Variants in PRMT7 observed in about 807,000 individuals in gnomAD.
PRMT7 encodes the protein protein arginine N-methyltransferase 7.
In PRMT7, 75 loss-of-function variants were observed where a neutral mutation model predicts 85.4. That is an observed-to-expected ratio of 0.88 (90% CI 0.73 to 1.06). The LOEUF (loss-of-function observed/expected upper bound fraction) is 1.06. PRMT7 is among the 50% of genes least tolerant of loss of function. PRMT7 has a pLI of 0.00. For synonymous variants in PRMT7, 397 were observed against 359.5 expected (o/e 1.10, Z -1.18); for missense variants, 868 against 915.2 (o/e 0.95, Z 0.67).
chr16:68,342,214 A>G (rs991261886), intron 9 of PRMT7, among the ~76,000 whole-genome samples: 2 of 152,254 alleles, frequency 1.3e-5, no homozygotes, highest in East Asian at 3.9e-4. Context: ...GGAGGTGGAA[A>G]TTGAAGTGAG....
intron 7 of PRMT7, 126 bp downstream of exon 7, chr16:68,337,697 C>T: frequency 2.4e-6 from 1 of 423,422 alleles, no homozygotes; most frequent in South Asian, 6.5e-5. Context: ...GACACCCCTC[C>T]ATTCCTGGGG....
intron 3 of PRMT7, among the ~76,000 whole-genome samples, chr16:68,318,479 G>A (rs751051189): frequency 2.0e-5 from 3 of 152,168 alleles, no homozygotes; most frequent in Non-Finnish European, 2.9e-5. Context: ...GATTACAGGC[G>A]TGAGCCACTG....
At chr16:68,344,968 A>ATTT (rs3068649) in intron 9 of PRMT7, among the ~76,000 whole-genome samples, 1,915 of 140,560 alleles carry the variant, frequency 0.014, 21 homozygotes, top group Non-Finnish European at 0.021. Context: ...GGGCATGCAC[A>ATTT]TTTTTTTTTT....
chr16:68,316,051 T>G lies in PRMT7; in HGVS notation c.72T>G (p.Tyr24Ter). ...AGTGGCTGGAGGAGGATGAACACTATGATTACCACCAGGAGATTGCAAGGT... is the reference window on the plus strand; with the variant it reads ...AGTGGCTGGAGGAGGATGAACACTAGGATTACCACCAGGAGATTGCAAGGT... ...SVEWLEEDEHYDYHQEIARSS... is the reference protein window; with the variant it reads ...SVEWLEEDEH Residue 24 changes from tyrosine to a stop codon, truncating the protein, a stop_gained, in exon 3 of 19, where the codon TAT becomes TAG. Transcript: ENST00000441236. LOFTEE classifies it high-confidence loss of function. 6.2e-7 allele frequency: 1 copy of G among 1,613,506 alleles called. No homozygotes were observed. The highest frequency in any genetic ancestry group is 8.5e-7 in the Non-Finnish European group (1 of 1,179,908).
chr16:68,317,831 C>CA (rs768230709), intron 3 of PRMT7, among the ~76,000 whole-genome samples: 997 of 83,466 alleles, frequency 0.012, 6 homozygotes, highest in African/African-American at 0.054. Flanking sequence ...AACTCTGTCT[C>CA]AAAAAAAAAA....
At chr16:68,315,856 C>A in intron 2 of PRMT7, 41 bp from the exon 3 acceptor site, 3 of 777,598 alleles carry the variant, frequency 3.9e-6, no homozygotes, top group Non-Finnish European at 6.5e-6. Flanking sequence ...TTTTTCTGTT[C>A]GTTTGTTTAT....
intron 13 of PRMT7, 138 bp from the exon 14 acceptor site, chr16:68,348,204 C>A: frequency 1.4e-6 from 1 of 717,450 alleles, no homozygotes; most frequent in Non-Finnish European, 2.4e-6. Context: ...GATTTTTCCA[C>A]AAAGCAGATA....
intron 6 of PRMT7, among the ~76,000 whole-genome samples, chr16:68,331,033 C>T (rs1175872894): frequency 6.6e-6 from 1 of 152,094 alleles, no homozygotes; most frequent in Non-Finnish European, 1.5e-5. Flanking sequence ...CACTTGTAAC[C>T]ACCATCACCA....
intron 7 of PRMT7, 40 bp downstream of exon 7, chr16:68,337,611 C>G (rs770653791): frequency 7.1e-7 from 1 of 1,411,146 alleles, no homozygotes; most frequent in South Asian, 1.2e-5. Context: ...TCTGTGGTCT[C>G]AGCCAGCTCA....
intron 6 of PRMT7, among the ~76,000 whole-genome samples, chr16:68,332,506 C>T (rs1340355498): frequency 1.3e-5 from 2 of 152,292 alleles, no homozygotes; most frequent in Non-Finnish European, 2.9e-5. Flanking sequence ...TCTGGCTGAT[C>T]AGAACTTGAA....
intron 14 of PRMT7, among the ~76,000 whole-genome samples, chr16:68,349,059 G>A (rs1190083768): frequency 2.0e-5 from 3 of 152,018 alleles, no homozygotes; most frequent in African/African-American, 7.3e-5. Flanking sequence ...TTCATTCCCC[G>A]TCCACGGCTT....
intron 2 of PRMT7, among the ~76,000 whole-genome samples, chr16:68,314,717 A>G (rs910114275): frequency 2.6e-5 from 4 of 152,088 alleles, no homozygotes; most frequent in African/African-American, 4.8e-5. Flanking sequence ...TAGAACACCT[A>G]TTGCTTTCTG....
chr16:68,331,977 C>G (rs1399159176), intron 6 of PRMT7, among the ~76,000 whole-genome samples: 1 of 151,928 alleles, frequency 6.6e-6, no homozygotes, highest in Non-Finnish European at 1.5e-5. Flanking sequence ...TCACATTTTC[C>G]TTCTTCACAT....
At chr16:68,320,337 G>C (rs1315250271) in intron 3 of PRMT7, among the ~76,000 whole-genome samples, 2 of 152,172 alleles carry the variant, frequency 1.3e-5, no homozygotes, top group Non-Finnish European at 2.9e-5. Flanking sequence ...GTGGGAATTG[G>C]GGGGCTGACA....
In PRMT7 at chr16:68,352,510, T is replaced by G; in HGVS notation, c.1575+101T>G. 4 of 1,147,020 alleles carry G rather than the reference T, an allele frequency of 3.5e-6. No homozygotes were observed. In the South Asian group the frequency reaches 6.9e-5, roughly 20 times the overall value. The allele number at this position is 1,147,020 out of a possible 1,614,324, so 71.1% of individuals were successfully genotyped here. Reference sequence around the variant, plus strand: ...GGGTGCCTGTAGAGCGGCTCAGGCCTTGATGATTTGAGCTTGTGTTTTCTT... The same window carrying G: ...GGGTGCCTGTAGAGCGGCTCAGGCCGTGATGATTTGAGCTTGTGTTTTCTT... On this transcript the variant is annotated intron_variant, in intron 15 of 18. Transcript: ENST00000441236.
chr16:68,315,801 C>T (rs1937791960), intron 2 of PRMT7, 96 bp from the exon 3 acceptor site: 1 of 618,618 alleles, frequency 1.6e-6, no homozygotes, highest in Non-Finnish European at 2.9e-6. Context: ...TTTTGTCTCC[C>T]CTTCCCCCCT....
chr16:68,345,993 A>G (rs2086299459), intron 10 of PRMT7, 152 bp from the exon 11 acceptor site: 1 of 1,351,104 alleles, frequency 7.4e-7, no homozygotes, highest in African/African-American at 1.4e-5. Flanking sequence ...GGGTTGCTGG[A>G]ATCTGTTTAG....
chr16:68,316,583 T>G (rs894209526), intron 3 of PRMT7, among the ~76,000 whole-genome samples: 3 of 151,084 alleles, frequency 2.0e-5, no homozygotes, highest in Non-Finnish European at 3.0e-5. Flanking sequence ...CTGACCAACA[T>G]GGAGAAACCC....
rs2087580779 is a variant in PRMT7, at chr16:68,352,614, A to G, written c.1575+205A>G. On this transcript the variant is annotated intron_variant, in intron 15 of 18. Coordinates refer to ENST00000441236, the MANE Select transcript of PRMT7 (RefSeq NM_019023.5). The stretch of plus-strand genomic sequence containing the variant: ...GCGATAATTTGACATACGAAATGGA[A>G]ATGGCTGAGTGTTGTCATTTTACAA... 10 of 482,978 alleles carry G rather than the reference A, an allele frequency of 2.1e-5. No homozygotes were observed. In the East Asian group the frequency reaches 3.4e-4, roughly 17 times the overall value. The allele number at this position is 482,978 out of a possible 1,614,324, so 29.9% of individuals were successfully genotyped here. A position where few individuals can be genotyped will look rare whatever the true frequency, so the allele number is the denominator to read the frequency against.
Sources: gnomAD v4.1 joint callset for allele counts (sites outside exome capture counted in the v4.1 genomes callset) on GRCh38, gnomAD v4.1.1 for gene constraint, MANE v1.5 for transcripts, NCBI Gene and HGNC (gene_info 2026-07-23, HGNC 2026-07-21) for gene names.